KHDRBS2: variants seen among roughly 807,000 people sequenced by gnomAD.
KHDRBS2 encodes the protein KH domain-containing, RNA-binding, signal transduction-associated protein 2.
Under a neutral mutation model 44.3 loss-of-function variants are expected in KHDRBS2, and 26 were observed. The ratio of observed to expected loss-of-function variants is 0.59; its 90% confidence interval spans 0.43 to 0.81. KHDRBS2 has a LOEUF of 0.81. KHDRBS2 is among the 40% of genes least tolerant of loss of function. The pLI is 0.00. For synonymous variants in KHDRBS2, 194 were observed against 151.1 expected (o/e 1.28, Z -2.08); for missense variants, 476 against 433.1 (o/e 1.10, Z -0.88).
At chr6:61,713,167 T>A (rs1938390) in intron 7 of KHDRBS2, among the ~76,000 whole-genome samples, 30,830 of 151,484 alleles carry the variant, frequency 0.2, 4,330 homozygotes, top group African/African-American at 0.39. Context: ...ATTCTGAATA[T>A]GAAACATCTG....
At chr6:62,054,590 G>A (rs778703522) in intron 2 of KHDRBS2, among the ~76,000 whole-genome samples, 3 of 152,038 alleles carry the variant, frequency 2.0e-5, no homozygotes, top group Non-Finnish European at 2.9e-5. Context: ...AAAGAAGGAG[G>A]CAGCAGGGTC....
intron 6 of KHDRBS2, among the ~76,000 whole-genome samples, chr6:61,802,683 T>A (rs1786469944): frequency 1.3e-5 from 2 of 152,148 alleles, no homozygotes; most frequent in Admixed American, 1.3e-4. Flanking sequence ...TCATTAGGGT[T>A]AAGGTAGGGA....
intron 7 of KHDRBS2, among the ~76,000 whole-genome samples, chr6:61,728,843 A>C (rs1773993729): frequency 1.3e-5 from 2 of 152,260 alleles, no homozygotes; most frequent in Admixed American, 6.5e-5. Context: ...TTTCTTTTTA[A>C]AAAAACTTTT....
At chr6:62,226,558 T>G (rs1319875920) in intron 1 of KHDRBS2, among the ~76,000 whole-genome samples, 2 of 152,240 alleles carry the variant, frequency 1.3e-5, no homozygotes, top group African/African-American at 4.8e-5. Context: ...ATTTGTCAAT[T>G]TTGGCTTTTG....
intron 7 of KHDRBS2, among the ~76,000 whole-genome samples, chr6:61,711,626 A>G (rs1770528398): frequency 6.6e-6 from 1 of 151,900 alleles, no homozygotes; most frequent in Admixed American, 6.6e-5. Context: ...ATTATGTTGA[A>G]GGACTTTTGA....
chr6:62,092,614 T>C (rs1399887976), intron 2 of KHDRBS2, among the ~76,000 whole-genome samples: 1 of 152,208 alleles, frequency 6.6e-6, no homozygotes, highest in African/African-American at 2.4e-5. Context: ...TCATTGTAAC[T>C]CTGCCTCTTC....
chr6:61,703,443 T>C (rs1323887197), intron 7 of KHDRBS2, among the ~76,000 whole-genome samples: 5 of 151,894 alleles, frequency 3.3e-5, no homozygotes, highest in Non-Finnish European at 7.4e-5. Flanking sequence ...TATATCTAAC[T>C]ATTTTTAGCA....
At chr6:62,250,777 A>T (rs1185610887) in intron 1 of KHDRBS2, among the ~76,000 whole-genome samples, 3 of 152,064 alleles carry the variant, frequency 2.0e-5, no homozygotes, top group Non-Finnish European at 4.4e-5. Flanking sequence ...GGGAGAAAAA[A>T]ATATTAATTA....
chr6:61,688,338 T>C (rs1277253744), intron 8 of KHDRBS2, among the ~76,000 whole-genome samples: 1 of 151,934 alleles, frequency 6.6e-6, no homozygotes, highest in Non-Finnish European at 1.5e-5. Flanking sequence ...GACTAAAGTC[T>C]AAAACGTACT....
intron 6 of KHDRBS2, among the ~76,000 whole-genome samples, chr6:61,772,135 A>G (rs1320627255): frequency 6.6e-6 from 1 of 152,210 alleles, no homozygotes; most frequent in Non-Finnish European, 1.5e-5. Context: ...GAGAACAAAG[A>G]CACAACATTG....
At chr6:61,634,971 G>C in the KHDRBS2 span, among the ~76,000 whole-genome samples, 1 of 151,884 alleles carries the variant, frequency 6.6e-6, no homozygotes, top group Admixed American at 6.6e-5. Flanking sequence ...AAGCTTTCTT[G>C]TAATTTTCCA....
the KHDRBS2 span, among the ~76,000 whole-genome samples, chr6:61,629,872 T>C: frequency 6.6e-6 from 1 of 152,246 alleles, no homozygotes; most frequent in Non-Finnish European, 1.5e-5. Flanking sequence ...AGAGTCCACA[T>C]TATTTTTACT....
chr6:61,766,135 A>G (rs1044394795), intron 6 of KHDRBS2, among the ~76,000 whole-genome samples: 3 of 151,752 alleles, frequency 2.0e-5, no homozygotes, highest in Non-Finnish European at 4.4e-5. Context: ...AAGACTTTTC[A>G]TTATAGCTTC....
At position 61,785,407 on chromosome 6, in the gene KHDRBS2, G is replaced by A. The variant is rs113939156; in HGVS notation, c.811-52643C>T. On this transcript the variant is annotated intron_variant, in intron 6 of 8. Coordinates refer to ENST00000281156, the MANE Select transcript of KHDRBS2 (RefSeq NM_152688.4). Reference sequence around the variant, plus strand: ...GTATAAATATTTTGAAGAGTAATTGGACAACAGTTATCAAAATTTAGTATG... The same window carrying A: ...GTATAAATATTTTGAAGAGTAATTGAACAACAGTTATCAAAATTTAGTATG... 2.7e-3 allele frequency among the ~76,000 whole-genome samples: 413 copies of A among 152,014 alleles called. 5 individuals carry two copies. Among genetic ancestry groups the A allele is most frequent in the African/African-American group, 9.6e-3 (399 of 41,472 alleles).
At chr6:61,592,847 A>AC in the KHDRBS2 span, among the ~76,000 whole-genome samples, 1 of 152,084 alleles carries the variant, frequency 6.6e-6, no homozygotes, top group Admixed American at 6.6e-5. Flanking sequence ...CTTGAATCAA[A>AC]CTCAGTCTTG....
At chr6:61,923,204 C>T (rs1808363725) in intron 4 of KHDRBS2, among the ~76,000 whole-genome samples, 1 of 151,928 alleles carries the variant, frequency 6.6e-6, no homozygotes, top group African/African-American at 2.4e-5. Context: ...GCAACAGAAA[C>T]TATCCAAAAT....
At chr6:61,641,166 T>G in the KHDRBS2 span, among the ~76,000 whole-genome samples, 1 of 152,180 alleles carries the variant, frequency 6.6e-6, no homozygotes, top group Non-Finnish European at 1.5e-5. Flanking sequence ...ATTACTTCAG[T>G]AAGTTCTGTA....
At chr6:62,190,393 T>C (rs1310783907) in intron 1 of KHDRBS2, among the ~76,000 whole-genome samples, 1 of 152,168 alleles carries the variant, frequency 6.6e-6, no homozygotes, top group African/African-American at 2.4e-5. Flanking sequence ...AGGGTTACCC[T>C]GGTTCATTGC....
At chr6:62,044,826 C>G (rs140787937) in intron 3 of KHDRBS2, among the ~76,000 whole-genome samples, 1 of 152,044 alleles carries the variant, frequency 6.6e-6, no homozygotes, top group East Asian at 1.9e-4. Flanking sequence ...TAAAGTCAGG[C>G]AAAGTTGAGA....
Sources: allele counts gnomAD v4.1 joint callset (sites outside exome capture counted in the v4.1 genomes callset), GRCh38; gene constraint gnomAD v4.1.1; transcripts MANE v1.5; gene names NCBI Gene and HGNC (gene_info 2026-07-23, HGNC 2026-07-21).